Variants in HMCN1 observed in about 807,000 individuals in gnomAD.
HMCN1 encodes hemicentin 1.
A neutral mutation model predicts 625.9 loss-of-function variants in HMCN1; 321 were observed. That is an observed-to-expected ratio of 0.51 (90% confidence interval 0.47 to 0.56). The LOEUF is 0.56. Ranked by LOEUF, HMCN1 falls within the 20% of genes least tolerant of loss-of-function variation. HMCN1 has a pLI of 0.00. For synonymous variants in HMCN1, 2,425 were observed against 2,417.6 expected (o/e 1.00, Z -0.09); for missense variants, 6,588 against 6,887.3 (o/e 0.96, Z 1.54).
rs567762470 is a variant in HMCN1 at position 186,035,813 on chromosome 1, A to T, written c.5750-2121A>T. Among the ~76,000 whole-genome samples the T allele has an allele frequency of 6.6e-5, 10 of 152,272 alleles. No homozygotes were observed. In the East Asian group the frequency reaches 1.5e-3, roughly 23 times the overall value. Reference sequence around the variant, plus strand: ...AAAACATTCCACTGTCATTTGAAAAACATATATATTCTTTGGTAATTACAA... The same window carrying T: ...AAAACATTCCACTGTCATTTGAAAATCATATATATTCTTTGGTAATTACAA... On this transcript the variant is annotated intron_variant, in intron 36 of 106. Transcript: ENST00000271588.
rs150558000 is a variant in HMCN1, at chr1:186,136,702, T to A, written c.13347T>A (p.Thr4449=). Residue 4449 remains threonine (T), a synonymous_variant, in exon 87 of 107, where the codon ACT becomes ACA. Transcript: ENST00000271588. The stretch of plus-strand genomic sequence containing the variant: ...TTATCACTCTTGAGCCAGTGGAAAC[T>A]GTTATTAATGCTGGTGGCAAAATCA... The part of the protein sequence containing the change: ...PPIITLEPVE[T]VINAGGKIIL... 19 of 1,613,868 alleles carry A rather than the reference T, an allele frequency of 1.2e-5. No homozygotes were observed. Among genetic ancestry groups the A allele is most frequent in the Middle Eastern group, 3.3e-4 (2 of 6,082 alleles).
At chr1:185,864,411 C>G in intron 2 of HMCN1, 59 bp from the exon 3 acceptor site, 2 of 1,565,570 alleles carry the variant, frequency 1.3e-6, no homozygotes, top group East Asian at 4.5e-5. Flanking sequence ...CTTGTTATAA[C>G]CAAAATATTC....
At chr1:186,176,022 C>A (rs577233435) in intron 103 of HMCN1, among the ~76,000 whole-genome samples, 160 of 152,188 alleles carry the variant, frequency 1.1e-3, no homozygotes, top group Admixed American at 2.8e-3. Context: ...TTTTATTCTA[C>A]CTTCCTGTAT....
intron 1 of HMCN1, among the ~76,000 whole-genome samples, chr1:185,827,690 C>T (rs767666129): frequency 5.9e-5 from 9 of 151,552 alleles, no homozygotes; most frequent in Non-Finnish European, 8.8e-5. Context: ...AATTATGTCA[C>T]AAAATAAATA....
chr1:186,088,850 T>G, intron 63 of HMCN1, 95 bp downstream of exon 63: 1 of 1,205,134 alleles, frequency 8.3e-7, no homozygotes, highest in Non-Finnish European at 1.2e-6. Context: ...TAGTAATTGA[T>G]TCAACATATC....
intron 1 of HMCN1, among the ~76,000 whole-genome samples, chr1:185,819,782 A>G (rs1219717981): frequency 1.3e-5 from 2 of 152,254 alleles, no homozygotes; most frequent in Admixed American, 6.5e-5. Context: ...ACAAATGAGG[A>G]ATTTATATTG....
intron 48 of HMCN1, among the ~76,000 whole-genome samples, chr1:186,063,449 AGAAGGAAGGAAG>A (rs71798893): frequency 0.25 from 26,396 of 104,082 alleles, 3,629 homozygotes; most frequent in East Asian, 0.29. Context: ...GGACGGAGAG[AGAAGGAAGGAAG>A]GAAGGAAGGA....
intron 71 of HMCN1, among the ~76,000 whole-genome samples, chr1:186,110,783 C>T (rs1660836824): frequency 6.6e-6 from 1 of 151,536 alleles, no homozygotes; most frequent in East Asian, 1.9e-4. Flanking sequence ...CCATTTTCTG[C>T]AGAGATGGGG....
At chr1:185,986,085 T>G (rs961090004) in intron 19 of HMCN1, among the ~76,000 whole-genome samples, 1 of 152,196 alleles carries the variant, frequency 6.6e-6, no homozygotes, top group African/African-American at 2.4e-5. Flanking sequence ...AAGATGAATA[T>G]TCCATGATGA....
Position 185,734,451 on chromosome 1 carries a change from C to T in HMCN1, c.-329C>T. On this transcript the variant is annotated 5_prime_UTR_variant, in exon 1 of 107. Transcript: ENST00000271588. ...GAGGGCAGCGGGATTCGGGCCGCGG[C>T]GCCGCAGGCTCAGAGCTGCCCCCGG... The T allele has an allele frequency of 3.8e-6, 1 of 261,282 alleles. No individual in the cohort carries two copies. The highest frequency in any genetic ancestry group is 7.2e-6 in the Non-Finnish European group (1 of 139,266). 16.2% of individuals were successfully genotyped at this position (261,282 alleles called of 1,614,324 possible). A position where few individuals can be genotyped will look rare whatever the true frequency, so the allele number is the denominator to read the frequency against.
chr1:185,835,196 G>A (rs1316151812), intron 1 of HMCN1, among the ~76,000 whole-genome samples: 1 of 152,212 alleles, frequency 6.6e-6, no homozygotes, highest in Non-Finnish European at 1.5e-5. Context: ...AGAAGAATGT[G>A]CTTCAGAGTG....
intron 28 of HMCN1, among the ~76,000 whole-genome samples, chr1:186,002,828 C>T (rs576051638): frequency 1.3e-5 from 2 of 152,206 alleles, no homozygotes; most frequent in Admixed American, 1.3e-4. Flanking sequence ...TACCTCCATC[C>T]ACTCACTTGG....
At chr1:186,167,347 GT>G (rs1200834401) in intron 100 of HMCN1, among the ~76,000 whole-genome samples, 5 of 152,134 alleles carry the variant, frequency 3.3e-5, no homozygotes, top group African/African-American at 1.2e-4. Context: ...TTTTAGAACA[GT>G]TTTAGGTTCA....
At chr1:186,119,657 A>G in intron 78 of HMCN1, 88 bp from the exon 79 acceptor site, 1 of 1,291,698 alleles carries the variant, frequency 7.7e-7, no homozygotes. Context: ...AGAATTATGA[A>G]TTTGGGTATT....
rs1030555979 is a variant in HMCN1 at position 186,087,650 on chromosome 1, A to G, written c.9363+5A>G. 5 of 1,612,276 alleles carry G rather than the reference A, an allele frequency of 3.1e-6. No homozygotes were observed. Among genetic ancestry groups the G allele is most frequent in the Non-Finnish European group, 3.4e-6 (4 of 1,178,698 alleles). ...CTACACATTAAGAAAGCTGAGGTGC[A>G]TCTTTTATTCTTGTTTGAGTGTCAT... On this transcript the variant is annotated splice_donor_5th_base_variant and intron_variant, in intron 60 of 106. Transcript: ENST00000271588.
At chr1:186,182,431 C>T (rs1652995058) in intron 105 of HMCN1, 144 bp downstream of exon 105, 1 of 923,382 alleles carries the variant, frequency 1.1e-6, no homozygotes, top group South Asian at 1.4e-5. Context: ...TCAGACATTG[C>T]TTTTGCAAGC....
intron 102 of HMCN1, among the ~76,000 whole-genome samples, chr1:186,173,640 C>T (rs1273635549): frequency 1.3e-5 from 1 of 74,700 alleles, no homozygotes; most frequent in African/African-American, 5.0e-5. Flanking sequence ...GACTCCATCT[C>T]AAAAAAAAAA....
rs1047279300 is a variant in HMCN1, at chr1:186,007,689, G to A, written c.4630+407G>A. Among the ~76,000 whole-genome samples, 42 of 152,158 alleles carry A rather than the reference G, an allele frequency of 2.8e-4. 1 individual carries two copies. The highest frequency in any genetic ancestry group is 1.8e-3 in the Admixed American group (27 of 15,258). On this transcript the variant is annotated intron_variant, in intron 30 of 106. Transcript: ENST00000271588. ...ATTCTATTTGAATTCCATCGTGGCCGTTATCCTGACCATGTGATTATCTTT... is the reference window on the plus strand; with the variant it reads ...ATTCTATTTGAATTCCATCGTGGCCATTATCCTGACCATGTGATTATCTTT...
rs916550638 is a variant in HMCN1 at position 186,129,203 on chromosome 1, A to T, written c.12905-763A>T. ...TTAATATTCAGCAGTAAAAGATTTA[A>T]AAAAAAAAAACTTAAATGAGGAGAG... On this transcript the variant is annotated intron_variant, in intron 83 of 106. Transcript: ENST00000271588. 1.4e-3 allele frequency among the ~76,000 whole-genome samples: 59 copies of T among 41,456 alleles called. No individual in the cohort carries two copies. In the African/African-American group the frequency reaches 0.027, roughly 19 times the overall value. 27.2% of individuals were successfully genotyped at this position (41,456 alleles called of 152,430 possible).
Sources: gnomAD v4.1 joint callset for allele counts (sites outside exome capture counted in the v4.1 genomes callset) on GRCh38, gnomAD v4.1.1 for gene constraint, MANE v1.5 for transcripts, NCBI Gene and HGNC (gene_info 2026-07-23, HGNC 2026-07-21) for gene names.